Variants in CEP85L observed in about 807,000 individuals in gnomAD.
The protein encoded by CEP85L is centrosomal protein 85L, also known as centrosomal protein of 85 kDa-like.
A neutral mutation model predicts 100.3 loss-of-function variants in CEP85L; 60 were observed. The observed-to-expected ratio is 0.60, with a 90% CI of 0.49 to 0.74. The LOEUF (loss-of-function observed/expected upper bound fraction) is 0.74, where lower values mean the gene tolerates loss of function less well. Among genes scored for constraint, CEP85L ranks in the 30% least tolerant of loss-of-function variants. The pLI is 0.00. For missense variants in CEP85L, 973 were observed against 936.2 expected, an observed-to-expected ratio of 1.04 and a Z score of -0.51; for synonymous variants, 319 against 322.7, an observed-to-expected ratio of 0.99 and a Z score of 0.12.
At chr6:118,673,400 T>C (rs955158825) in intron 1 of CEP85L, among the ~76,000 whole-genome samples, 6 of 152,192 alleles carry the variant, frequency 3.9e-5, no homozygotes, top group Admixed American at 6.5e-5. Flanking sequence ...CAGGCAAATG[T>C]GCCATATAGG....
chr6:118,554,834 A>T (rs182947026), intron 3 of CEP85L, among the ~76,000 whole-genome samples: 1 of 152,194 alleles, frequency 6.6e-6, no homozygotes, highest in Admixed American at 6.5e-5. Context: ...GAGATAGAAC[A>T]ACATGTGCAA....
rs545569703 is a variant in CEP85L, at chr6:118,495,432, T to C, written c.1258-3567A>G. 2.0e-5 allele frequency among the ~76,000 whole-genome samples: 3 copies of C among 152,222 alleles called. No individual in the cohort carries two copies. In the East Asian group the frequency reaches 5.8e-4, roughly 29 times the overall value. On this transcript the variant is annotated intron_variant, in intron 5 of 12. Coordinates refer to ENST00000368491, the MANE Select transcript of CEP85L (RefSeq NM_001042475.3). ...ATGCTACCGTTCTCGTGATAGCGGG[T>C]GAGTTCTCTTGAGATCTGATGGTCT...
intron 4 of CEP85L, among the ~76,000 whole-genome samples, chr6:118,518,250 G>GAGTT (rs1776402804): frequency 6.6e-6 from 1 of 152,148 alleles, no homozygotes; most frequent in African/African-American, 2.4e-5. Context: ...CTCATAAAAT[G>GAGTT]AGTTAGGGAG....
At chr6:118,513,942 G>T (rs186855414) in intron 4 of CEP85L, among the ~76,000 whole-genome samples, 2 of 151,948 alleles carry the variant, frequency 1.3e-5, no homozygotes, top group Non-Finnish European at 2.9e-5. Context: ...TTATATCCAC[G>T]TTGTATAACC....
At chr6:118,651,701 G>T, upstream of CEP85L, 1 of 976,600 alleles carries the variant, frequency 1.0e-6, no homozygotes, top group Non-Finnish European at 1.2e-6. Context: ...GGACTGCGGG[G>T]GGCGGGGACT....
intron 4 of CEP85L, among the ~76,000 whole-genome samples, chr6:118,522,721 A>C (rs926639855): frequency 3.3e-5 from 5 of 152,096 alleles, no homozygotes; most frequent in Non-Finnish European, 5.9e-5. Context: ...CTACTAAAAA[A>C]TACAAACTTT....
At chr6:118,518,005 T>C (rs1776384340) in intron 4 of CEP85L, among the ~76,000 whole-genome samples, 1 of 152,220 alleles carries the variant, frequency 6.6e-6, no homozygotes, top group Admixed American at 6.5e-5. Context: ...GTTGTTTTTG[T>C]CATTGGTTTT....
chr6:118,656,611 C>T (rs1006899231), upstream of CEP85L, among the ~76,000 whole-genome samples: 2 of 152,116 alleles, frequency 1.3e-5, no homozygotes, highest in Non-Finnish European at 2.9e-5. Context: ...GGACCTGCCT[C>T]AGCCTTTTTA....
chr6:118,604,580 GTTAACTTT>G (rs1482342855), intron 2 of CEP85L, among the ~76,000 whole-genome samples: 2 of 152,148 alleles, frequency 1.3e-5, no homozygotes, highest in Non-Finnish European at 2.9e-5. Context: ...ATGTTACGAT[GTTAACTTT>G]TACGTTTGGT....
chr6:118,567,921 A>G (rs549656449), intron 2 of CEP85L, among the ~76,000 whole-genome samples: 7 of 152,362 alleles, frequency 4.6e-5, no homozygotes, highest in African/African-American at 1.4e-4. Flanking sequence ...ACTGCCTATC[A>G]GCTTCTGAAG....
intron 5 of CEP85L, among the ~76,000 whole-genome samples, chr6:118,495,092 A>T (rs1050246360): frequency 6.6e-6 from 1 of 151,978 alleles, no homozygotes; most frequent in African/African-American, 2.4e-5. Context: ...AACTTGGGAT[A>T]TGATGACAGA....
intron 1 of CEP85L, among the ~76,000 whole-genome samples, chr6:118,639,894 G>C (rs1007790426): frequency 6.6e-6 from 1 of 152,122 alleles, no homozygotes; most frequent in African/African-American, 2.4e-5. Context: ...GTTTTGTTTG[G>C]TGGTTGTTGT....
intron 2 of CEP85L, among the ~76,000 whole-genome samples, chr6:118,593,870 T>C (rs1781324381): frequency 6.6e-6 from 1 of 152,104 alleles, no homozygotes; most frequent in African/African-American, 2.4e-5. Flanking sequence ...ACAATGTTCT[T>C]TTACTTCCCA....
chr6:118,666,501 A>T (rs1430095529), intron 1 of CEP85L, among the ~76,000 whole-genome samples: 1 of 152,194 alleles, frequency 6.6e-6, no homozygotes, highest in African/African-American at 2.4e-5. Context: ...AATGTTTACA[A>T]CATGTCTGGC....
chr6:118,653,262 G>A (rs914456296), upstream of CEP85L, among the ~76,000 whole-genome samples: 2 of 152,156 alleles, frequency 1.3e-5, no homozygotes, highest in Admixed American at 6.5e-5. Flanking sequence ...CTATTACAGA[G>A]TAAAAGCAAA....
chr6:118,554,447 C>A (rs1310168473), intron 3 of CEP85L, among the ~76,000 whole-genome samples: 1 of 152,096 alleles, frequency 6.6e-6, no homozygotes, highest in Non-Finnish European at 1.5e-5. Flanking sequence ...ATGCCCTGCC[C>A]ACAGCATTAT....
At chr6:118,600,362 TGTGTGTGTAA>T (rs1212011176) in intron 2 of CEP85L, among the ~76,000 whole-genome samples, 17 of 134,140 alleles carry the variant, frequency 1.3e-4, no homozygotes, top group Non-Finnish European at 1.8e-4. Flanking sequence ...TGTGTGTGTG[TGTGTGTGTAA>T]CGCCATGGAG....
At chr6:118,517,274 G>C (rs945415712) in intron 4 of CEP85L, among the ~76,000 whole-genome samples, 8 of 152,130 alleles carry the variant, frequency 5.3e-5, no homozygotes, top group African/African-American at 1.9e-4. Context: ...TTCTAATTCT[G>C]TGAAGAAAGT....
In CEP85L at chr6:118,632,460, G is replaced by A. The variant is rs200298718; in HGVS notation, c.225C>T (p.Ser75=). ...ATAAGAATTTTAGCTCACCTTCCAC[G>A]CTATCAGAACAGGAAGTTCCAATGC... ...DTGIGTSCSD[S]VEDHSTSSGT... The change falls in exon 2 of 13, where the codon AGC becomes AGT. Residue 75 remains serine, a synonymous_variant. Coordinates refer to ENST00000368491, the MANE Select transcript of CEP85L (RefSeq NM_001042475.3). The A allele has an allele frequency of 4.3e-5, 68 of 1,593,604 alleles. No homozygotes were observed. The highest frequency in any genetic ancestry group is 4.2e-4 in the South Asian group (36 of 85,710).
Sources: gnomAD v4.1 joint callset for allele counts (sites outside exome capture counted in the v4.1 genomes callset) on GRCh38, gnomAD v4.1.1 for gene constraint, MANE v1.5 for transcripts, NCBI Gene and HGNC (gene_info 2026-07-23, HGNC 2026-07-21) for gene names.